Variants in NOX4 observed in about 807,000 individuals in gnomAD.
NOX4 encodes the protein NADPH oxidase 4, also known as kidney oxidase-1.
NOX4 carries 69 observed loss-of-function variants against 87.6 expected under a neutral mutation model. The observed-to-expected ratio is 0.79, with a 90% CI of 0.65 to 0.96. The LOEUF (loss-of-function observed/expected upper bound fraction) is 0.96, where lower values mean the gene tolerates loss of function less well. Ranked by LOEUF, NOX4 falls within the 40% of genes least tolerant of loss-of-function variation. The probability of loss-of-function intolerance (pLI) is 0.00; values close to 1 mark genes in which losing one functional copy is unlikely to be tolerated. For missense variants in NOX4, 680 were observed against 681.5 expected, an observed-to-expected ratio of 1.00 and a Z score of 0.02; for synonymous variants, 275 against 238.2, an observed-to-expected ratio of 1.15 and a Z score of -1.42.
At chr11:89,365,925 C>T (rs1438081874) in intron 12 of NOX4, among the ~76,000 whole-genome samples, 2 of 151,662 alleles carry the variant, frequency 1.3e-5, no homozygotes, top group African/African-American at 2.4e-5. Context: ...ATGTCTTGGC[C>T]GAAGACCAAG....
At chr11:89,552,917 T>G in the NOX4 span, among the ~76,000 whole-genome samples, 7 of 152,150 alleles carry the variant, frequency 4.6e-5, no homozygotes, top group Non-Finnish European at 5.9e-5. Context: ...CAGTTAGGCA[T>G]GAGATTATGC....
At chr11:89,360,982 C>T (rs1938480220) in intron 12 of NOX4, among the ~76,000 whole-genome samples, 1 of 152,048 alleles carries the variant, frequency 6.6e-6, no homozygotes, top group African/African-American at 2.4e-5. Flanking sequence ...AAAAAGGGAA[C>T]ACTTTTACAC....
chr11:89,491,010 G>T, intron 1 of NOX4, 180 bp downstream of exon 1: 1 of 738,310 alleles, frequency 1.4e-6, no homozygotes, highest in Non-Finnish European at 2.4e-6. Flanking sequence ...TGGGGGACAG[G>T]CGAGGGGGTG....
intron 7 of NOX4, among the ~76,000 whole-genome samples, chr11:89,431,725 A>C (rs1322762051): frequency 6.6e-6 from 1 of 152,220 alleles, no homozygotes; most frequent in East Asian, 1.9e-4. Context: ...GGATGTGGAG[A>C]AACAGGAACA....
the NOX4 span, among the ~76,000 whole-genome samples, chr11:89,530,515 T>TG: frequency 6.6e-6 from 1 of 150,770 alleles, no homozygotes; most frequent in African/African-American, 2.4e-5. Context: ...TCTACTTTTT[T>TG]TTTTTTTTTT....
chr11:89,393,738 G>A (rs1049147377), intron 11 of NOX4, among the ~76,000 whole-genome samples: 8 of 152,120 alleles, frequency 5.3e-5, no homozygotes, highest in East Asian at 1.9e-4. Context: ...GCCCTTCCAG[G>A]TAAGTATCAC....
intron 8 of NOX4, among the ~76,000 whole-genome samples, chr11:89,408,855 C>T (rs190421933): frequency 2.8e-4 from 43 of 152,266 alleles, no homozygotes; most frequent in African/African-American, 9.9e-4. Flanking sequence ...ATCAAAGAAT[C>T]CCACATTTCA....
At chr11:89,372,967 T>A (rs1433148721) in intron 12 of NOX4, among the ~76,000 whole-genome samples, 1 of 151,930 alleles carries the variant, frequency 6.6e-6, no homozygotes, top group East Asian at 1.9e-4. Context: ...CCAACAGGCC[T>A]GCTGTGAAAA....
chr11:89,420,982 G>A (rs117084711), intron 8 of NOX4, among the ~76,000 whole-genome samples: 2 of 152,272 alleles, frequency 1.3e-5, no homozygotes, highest in Non-Finnish European at 2.9e-5. Context: ...TGTGGAGTAC[G>A]AATGAGCCTT....
chr11:89,524,485 C>G, the NOX4 span, among the ~76,000 whole-genome samples: 1 of 151,982 alleles, frequency 6.6e-6, no homozygotes, highest in Non-Finnish European at 1.5e-5. Context: ...AGAAAGTTTA[C>G]CTAATTTTCT....
At chr11:89,405,765 A>T (rs1430958740) in intron 8 of NOX4, among the ~76,000 whole-genome samples, 1 of 151,860 alleles carries the variant, frequency 6.6e-6, no homozygotes, top group Admixed American at 6.6e-5. Context: ...AAAAAAAAAA[A>T]AACTTGCATG....
At chr11:89,408,013 T>C (rs1257223977) in intron 8 of NOX4, among the ~76,000 whole-genome samples, 1 of 151,998 alleles carries the variant, frequency 6.6e-6, no homozygotes, top group Non-Finnish European at 1.5e-5. Context: ...TAAAAATATA[T>C]CTTGATTCTG....
chr11:89,512,247 T>C, the NOX4 span, among the ~76,000 whole-genome samples: 1 of 152,074 alleles, frequency 6.6e-6, no homozygotes, highest in Non-Finnish European at 1.5e-5. Context: ...CAAAATTTGC[T>C]GTGTCCTTTT....
chr11:89,547,293 G>GCTTGTTAATCAATTTTGCTTAACTTGAT, the NOX4 span, among the ~76,000 whole-genome samples: 7 of 152,018 alleles, frequency 4.6e-5, no homozygotes, highest in Non-Finnish European at 2.9e-5. Flanking sequence ...ATAAACAACA[G>GCTTGTTAATCAATTTTGCTTAACTTGAT]TAAGCAAAGA....
chr11:89,491,551 G>C (rs1184595997), upstream of NOX4: 3 of 396,142 alleles, frequency 7.6e-6, no homozygotes, highest in Non-Finnish European at 1.3e-5. Flanking sequence ...CGCCGCGCCG[G>C]CCCCTTTGTC....
At chr11:89,378,604 A>G (rs1246129523) in intron 11 of NOX4, among the ~76,000 whole-genome samples, 3 of 152,208 alleles carry the variant, frequency 2.0e-5, no homozygotes, top group African/African-American at 7.2e-5. Context: ...AGTTGAATAA[A>G]TATTATAATA....
At chr11:89,518,346 A>C in the NOX4 span, among the ~76,000 whole-genome samples, 1 of 148,970 alleles carries the variant, frequency 6.7e-6, no homozygotes, top group Admixed American at 6.8e-5. Flanking sequence ...CAATTATCAA[A>C]GTTCTTACAA....
chr11:89,582,456 A>G, the NOX4 span, among the ~76,000 whole-genome samples: 1 of 152,120 alleles, frequency 6.6e-6, no homozygotes, highest in Non-Finnish European at 1.5e-5. Context: ...AGGAATCTCC[A>G]TACTGTTTTC....
chr11:89,370,144 C>A (rs1364286783), intron 12 of NOX4, among the ~76,000 whole-genome samples: 1 of 151,872 alleles, frequency 6.6e-6, no homozygotes, highest in South Asian at 2.1e-4. Context: ...GGCAAATCCA[C>A]AATAATATAT....
Sources: allele counts gnomAD v4.1 joint callset (sites outside exome capture counted in the v4.1 genomes callset), GRCh38; gene constraint gnomAD v4.1.1; transcripts MANE v1.5; gene names NCBI Gene and HGNC (gene_info 2026-07-23, HGNC 2026-07-21).